Variants in ADCY9 observed in about 807,000 individuals in gnomAD.
The protein encoded by ADCY9 is adenylate cyclase 9.
In ADCY9, 50 loss-of-function variants were observed where a neutral mutation model predicts 101.5. That is an observed-to-expected ratio of 0.49 (90% CI 0.39 to 0.62). The LOEUF (loss-of-function observed/expected upper bound fraction) is 0.62, where lower values mean the gene tolerates loss of function less well. ADCY9 is among the 20% of genes least tolerant of loss of function. The pLI, the probability that ADCY9 is intolerant of heterozygous loss-of-function variation, is 0.00. For missense variants in ADCY9, 1,662 were observed against 1,800.4 expected (o/e 0.92, Z 1.39); for synonymous variants, 905 against 769.3 (o/e 1.18, Z -2.92).
intron 2 of ADCY9, among the ~76,000 whole-genome samples, chr16:4,015,064 C>T (rs3789035): frequency 0.27 from 40,921 of 150,722 alleles, 5,770 homozygotes; most frequent in Admixed American, 0.34. Context: ...CTCAGCCTCC[C>T]GAGCAGCTGG....
intron 2 of ADCY9, among the ~76,000 whole-genome samples, chr16:4,099,094 G>A (rs2238458): frequency 0.29 from 44,395 of 151,804 alleles, 7,253 homozygotes; most frequent in Admixed American, 0.4. Context: ...CACGACACCC[G>A]GCTAATTTTT....
At chr16:3,976,839 G>A (rs539548384) in intron 9 of ADCY9, among the ~76,000 whole-genome samples, 84 of 152,228 alleles carry the variant, frequency 5.5e-4, no homozygotes, top group East Asian at 3.9e-4. Context: ...TGTATTTTTC[G>A]TAGAGACGGG....
At chr16:4,050,694 C>T (rs1314748684) in intron 2 of ADCY9, among the ~76,000 whole-genome samples, 1 of 76,176 alleles carries the variant, frequency 1.3e-5, no homozygotes, top group Non-Finnish European at 2.3e-5. Flanking sequence ...GTCTTGGCAA[C>T]AAGAGTGAAA....
intron 2 of ADCY9, among the ~76,000 whole-genome samples, chr16:4,060,810 A>T (rs1016856517): frequency 1.3e-5 from 2 of 152,230 alleles, no homozygotes; most frequent in Non-Finnish European, 2.9e-5. Context: ...AAAATAAAAT[A>T]TAAGACATGC....
At chr16:4,111,796 C>T (rs1017674387) in intron 2 of ADCY9, among the ~76,000 whole-genome samples, 1 of 149,612 alleles carries the variant, frequency 6.7e-6, no homozygotes, top group Non-Finnish European at 1.5e-5. Flanking sequence ...AGTTAATTTA[C>T]CAAATTTACA....
intron 2 of ADCY9, among the ~76,000 whole-genome samples, chr16:4,058,175 G>A (rs1340883234): frequency 7.1e-6 from 1 of 140,000 alleles, no homozygotes; most frequent in Non-Finnish European, 1.5e-5. Flanking sequence ...AAAAAAAAGA[G>A]AGTTGAGGCT....
In ADCY9 at chr16:3,965,718, A is replaced by G. The variant is rs1253439255; in HGVS notation, c.*57T>C. 6.6e-7 allele frequency: 1 copy of G among 1,516,600 alleles called. No individual in the cohort carries two copies. Among genetic ancestry groups the G allele is most frequent in the East Asian group, 2.3e-5 (1 of 44,234 alleles). 93.9% of individuals were successfully genotyped at this position (1,516,600 alleles called of 1,614,324 possible). On this transcript the variant is annotated 3_prime_UTR_variant, in exon 11 of 11. Coordinates refer to ENST00000294016, the MANE Select transcript of ADCY9 (RefSeq NM_001116.4). Reference sequence around the variant, plus strand: ...CGCTTGGAAAGCACAACAGCCAAATACAAATATTACTGTGTTTCGACAAAC... The same window carrying G: ...CGCTTGGAAAGCACAACAGCCAAATGCAAATATTACTGTGTTTCGACAAAC...
intron 2 of ADCY9, among the ~76,000 whole-genome samples, chr16:4,047,528 T>A (rs536135679): frequency 1.4e-4 from 20 of 146,616 alleles, no homozygotes; most frequent in African/African-American, 5.0e-4. Flanking sequence ...TGCAATTCCT[T>A]TGTAACCAAT....
At chr16:3,983,493 A>AGC in intron 6 of ADCY9, 53 bp from the exon 7 acceptor site, 1 of 1,465,052 alleles carries the variant, frequency 6.8e-7, no homozygotes, top group Non-Finnish European at 9.4e-7. Flanking sequence ...GGCGGCCAGG[A>AGC]GCGCAGTTCA....
chr16:3,999,083 C>G (rs934839586), intron 3 of ADCY9, among the ~76,000 whole-genome samples: 1 of 152,158 alleles, frequency 6.6e-6, no homozygotes, highest in Non-Finnish European at 1.5e-5. Flanking sequence ...AGCGTCTCCC[C>G]CTGCACAGCT....
At chr16:3,985,943 C>G (rs1054831047) in intron 6 of ADCY9, among the ~76,000 whole-genome samples, 2 of 147,202 alleles carry the variant, frequency 1.4e-5, no homozygotes, top group South Asian at 4.5e-4. Context: ...AACGACGCTC[C>G]CCCACATCAT....
chr16:4,066,986 T>A (rs1025954972), intron 2 of ADCY9, among the ~76,000 whole-genome samples: 1 of 152,214 alleles, frequency 6.6e-6, no homozygotes, highest in Non-Finnish European at 1.5e-5. Context: ...GCAACTTCAA[T>A]ACTAAATTTC....
rs561077796 is a variant in ADCY9 at position 4,026,178 on chromosome 16, A to G, written c.1694-18620T>C. 6.6e-5 allele frequency among the ~76,000 whole-genome samples: 10 copies of G among 152,294 alleles called. No homozygotes were observed. In the South Asian group the frequency reaches 2.1e-3, roughly 32 times the overall value. ...GGTGGATCACGCCTATAATCCCAGCACTTTGGGAGGTCAAGGCAGGTGGAT... is the reference window on the plus strand; with the variant it reads ...GGTGGATCACGCCTATAATCCCAGCGCTTTGGGAGGTCAAGGCAGGTGGAT... On this transcript the variant is annotated intron_variant, in intron 2 of 10. Coordinates refer to ENST00000294016, the MANE Select transcript of ADCY9 (RefSeq NM_001116.4).
chr16:4,097,553 A>ATATATATTT lies in ADCY9; in HGVS notation c.1693+16196_1693+16197insAAATATATA, dbSNP rs1382458827. 7.6e-3 allele frequency among the ~76,000 whole-genome samples: 406 copies of ATATATATTT among 53,392 alleles called. 19 individuals carry two copies. Among genetic ancestry groups the ATATATATTT allele is most frequent in the African/African-American group, 0.018 (209 of 11,578 alleles). 35.0% of individuals were successfully genotyped at this position (53,392 alleles called of 152,430 possible). A position where few individuals can be genotyped will look rare whatever the true frequency, so the allele number is the denominator to read the frequency against. Reference sequence around the variant, plus strand: ...CATATATATATATATATATATATATATTTTTTTTTTTTTTTTTTAAGACAG... The same window carrying ATATATATTT: ...CATATATATATATATATATATATATATATATATTTTTTTTTTTTTTTTTTTTTAAGACAG... On this transcript the variant is annotated intron_variant, in intron 2 of 10. Transcript: ENST00000294016.
Position 3,965,706 on chromosome 16 carries a change from C to A in ADCY9, c.*69G>T. ...GGGCAACTGTGGCGCTTGGAAAGCA[C>A]AACAGCCAAATACAAATATTACTGT... On this transcript the variant is annotated 3_prime_UTR_variant, in exon 11 of 11. Coordinates refer to ENST00000294016, the MANE Select transcript of ADCY9 (RefSeq NM_001116.4). 1 of 1,474,964 alleles carries A rather than the reference C, an allele frequency of 6.8e-7. No homozygotes were observed. 91.4% of individuals were successfully genotyped at this position (1,474,964 alleles called of 1,614,324 possible).
In ADCY9 at chr16:3,992,286, C is replaced by A. The variant is rs1400305269; in HGVS notation, c.2067G>T (p.Gln689His). ...CCTGCAAGATCTCACACAGAGAAGT[C>A]TGACTGTTGGTGAGCTTCTCCTCTT... ...PPQEEKLTNS[Q>H]TSLCEILQEK... Residue 689 changes from glutamine (Q) to histidine (H), a missense_variant, in exon 5 of 11, where the codon CAG becomes CAT. This residue lies in a region of ADCY9 where 624 missense variants were observed against 639.1 expected (regional missense o/e 0.98). Coordinates refer to ENST00000294016, the MANE Select transcript of ADCY9 (RefSeq NM_001116.4). This position sits in a 1 kb window ranked among gnomAD's most constrained non-coding sequence, Gnocchi z 4.2. 2.5e-6 allele frequency: 4 copies of A among 1,614,088 alleles called. No individual in the cohort carries two copies. The highest frequency in any genetic ancestry group is 3.4e-6 in the Non-Finnish European group (4 of 1,180,038).
chr16:4,025,410 G>A (rs2056508018), intron 2 of ADCY9, among the ~76,000 whole-genome samples: 5 of 148,904 alleles, frequency 3.4e-5, no homozygotes, highest in African/African-American at 7.4e-5. Flanking sequence ...CACTGTGAAC[G>A]CTGCAGAGAG....
At chr16:4,087,244 A>G (rs745926562) in intron 2 of ADCY9, among the ~76,000 whole-genome samples, 111 of 151,978 alleles carry the variant, frequency 7.3e-4, no homozygotes, top group Non-Finnish European at 1.3e-3. Flanking sequence ...CTTCTTTAAG[A>G]ACAAGGAAGG....
At chr16:4,101,382 C>T (rs984608243) in intron 2 of ADCY9, among the ~76,000 whole-genome samples, 10 of 150,278 alleles carry the variant, frequency 6.7e-5, no homozygotes, top group Admixed American at 2.7e-4. Flanking sequence ...TGGGCTCAAA[C>T]GATCCTCCCA....
Sources: gnomAD v4.1 joint callset for allele counts (sites outside exome capture counted in the v4.1 genomes callset) on GRCh38, gnomAD v4.1.1 for gene constraint, gnomAD v4.1.1 regional missense constraint, Gnocchi (gnomAD v3.1) non-coding constraint, MANE v1.5 for transcripts, NCBI Gene and HGNC (gene_info 2026-07-23, HGNC 2026-07-21) for gene names.